The following TBC1D9 variants were observed in gnomAD, a reference collection of about 807,000 sequenced individuals.
TBC1D9 encodes TBC1 domain family member 9, also known as TBC1 domain family member 9A.
TBC1D9 carries 63 observed loss-of-function variants against 132.0 expected under a neutral mutation model. That is an observed-to-expected ratio of 0.48 (90% confidence interval 0.39 to 0.59). The LOEUF is 0.59. Ranked by LOEUF, TBC1D9 falls within the 20% of genes least tolerant of loss-of-function variation. The pLI is 0.00. For synonymous variants in TBC1D9, 610 were observed against 609.9 expected (o/e 1.00, Z 0.00); for missense variants, 1,261 against 1,592.7 (o/e 0.79, Z 3.54).
chr4:140,724,655 C>A (rs1738471263), intron 1 of TBC1D9, among the ~76,000 whole-genome samples: 1 of 145,782 alleles, frequency 6.9e-6, no homozygotes, highest in Non-Finnish European at 1.5e-5. Context: ...AAAAAAAAAA[C>A]TTGCAACTCA....
intron 13 of TBC1D9, among the ~76,000 whole-genome samples, chr4:140,639,939 A>G (rs1302665720): frequency 2.0e-5 from 3 of 152,170 alleles, no homozygotes; most frequent in Admixed American, 1.3e-4. Flanking sequence ...CGTACCCCCT[A>G]AATGTTTGTT....
Position 140,622,827 on chromosome 4 carries a change from T to C in TBC1D9, c.3169A>G (p.Thr1057Ala). 4.4e-6 allele frequency: 7 copies of C among 1,599,880 alleles called. No individual in the cohort carries two copies. Among genetic ancestry groups the C allele is most frequent in the Non-Finnish European group, 5.9e-6 (7 of 1,176,610 alleles). The change falls in exon 21 of 21, where the codon ACC (threonine) becomes GCC (alanine). Residue 1057 changes from threonine to alanine, a missense_variant. Around this residue, in one of 3 missense-constraint regions of TBC1D9, gnomAD observed 618 missense variants for 724.4 expected, o/e 0.85. Transcript: ENST00000442267. The stretch of plus-strand genomic sequence containing the variant: ...TCCCCAATCTCCAGCAGGAGGCTGG[T>C]CACTGCTGCCGTGGCGTGGTACAGC... ...QELYHATAAV[T>A]SLLLEIGEVG...
At chr4:140,658,546 AT>A (rs200071548) in intron 11 of TBC1D9, among the ~76,000 whole-genome samples, 8 of 152,206 alleles carry the variant, frequency 5.3e-5, no homozygotes, top group Admixed American at 1.3e-4. Context: ...ATTAAAAAAA[AT>A]AATAATAATC....
chr4:140,672,600 C>T (rs1476532911), intron 6 of TBC1D9, among the ~76,000 whole-genome samples: 1 of 152,142 alleles, frequency 6.6e-6, no homozygotes, highest in Non-Finnish European at 1.5e-5. Context: ...ATTCCTTCGT[C>T]TAGCTGGAGC....
intron 1 of TBC1D9, among the ~76,000 whole-genome samples, chr4:140,740,120 T>C (rs1426197068): frequency 6.6e-6 from 1 of 152,202 alleles, no homozygotes; most frequent in Admixed American, 6.5e-5. Flanking sequence ...GTAAAAGAGT[T>C]GATTTTAGGC....
intron 13 of TBC1D9, chr4:140,643,090 C>A: frequency 7.3e-7 from 1 of 1,371,828 alleles, no homozygotes; most frequent in Non-Finnish European, 1.0e-6. Context: ...TGGGCTTCAG[C>A]TCCCGTGGGA....
At chr4:140,666,422 G>A (rs1247741305) in intron 9 of TBC1D9, among the ~76,000 whole-genome samples, 6 of 152,188 alleles carry the variant, frequency 3.9e-5, no homozygotes, top group South Asian at 4.2e-4. Context: ...TGCAAGCTCC[G>A]CCTCCCGGGT....
chr4:140,673,183 AT>A (rs1467509294), intron 6 of TBC1D9, among the ~76,000 whole-genome samples: 12 of 148,366 alleles, frequency 8.1e-5, no homozygotes, highest in Non-Finnish European at 1.5e-5. Context: ...AAAAAAAAAA[AT>A]TCCTTCTCTT....
At chr4:140,641,108 A>AAAAAAAAAC (rs1736985292) in intron 13 of TBC1D9, among the ~76,000 whole-genome samples, 1 of 147,788 alleles carries the variant, frequency 6.8e-6, no homozygotes, top group South Asian at 2.1e-4. Context: ...AAAAAAACAA[A>AAAAAAAAAC]AAAAAACAGA....
intron 20 of TBC1D9, 105 bp downstream of exon 20, chr4:140,624,011 T>C (rs1369519299): frequency 2.4e-6 from 2 of 833,852 alleles, no homozygotes; most frequent in Non-Finnish European, 3.6e-6. Flanking sequence ...AGGCCCCAGT[T>C]ATTATTTTTG....
chr4:140,653,003 A>C lies in TBC1D9; in HGVS notation c.2337+4094T>G, dbSNP rs1022690656. ...TTGTGCCTTCCAGGAGGGGCATCTC[A>C]GTCTATGAATCAAACTTTAAGATTG... is the stretch of plus-strand genomic sequence containing the variant. On this transcript the variant is annotated intron_variant, in intron 13 of 20. Coordinates refer to ENST00000442267, the MANE Select transcript of TBC1D9 (RefSeq NM_015130.3). 2.6e-5 allele frequency among the ~76,000 whole-genome samples: 4 copies of C among 152,126 alleles called. No individual in the cohort carries two copies. The South Asian group carries it at 8.3e-4, about 32-fold the overall frequency.
At chr4:140,684,575 CT>C (rs1210403466) in intron 3 of TBC1D9, among the ~76,000 whole-genome samples, 24 of 151,996 alleles carry the variant, frequency 1.6e-4, no homozygotes, top group African/African-American at 5.8e-4. Flanking sequence ...CATAATTGGT[CT>C]TTGTTTGTTT....
chr4:140,719,159 T>TAAATAAAA (rs1466535586), intron 1 of TBC1D9, among the ~76,000 whole-genome samples: 3 of 135,940 alleles, frequency 2.2e-5, no homozygotes, highest in East Asian at 2.1e-4. Context: ...AATAAATAAA[T>TAAATAAAA]AAAAGAAAGT....
chr4:140,686,204 G>A, intron 3 of TBC1D9, 140 bp downstream of exon 3: 1 of 575,844 alleles, frequency 1.7e-6, no homozygotes, highest in Non-Finnish European at 3.0e-6. Context: ...ACACATATGA[G>A]AAAGCAAATG....
At chr4:140,638,709 G>T (rs1212635627) in intron 15 of TBC1D9, among the ~76,000 whole-genome samples, 2 of 151,980 alleles carry the variant, frequency 1.3e-5, no homozygotes, top group African/African-American at 2.4e-5. Context: ...TTTTCCTTGG[G>T]CACTTAAACA....
At chr4:140,733,224 G>C (rs911124004) in intron 1 of TBC1D9, among the ~76,000 whole-genome samples, 1 of 152,128 alleles carries the variant, frequency 6.6e-6, no homozygotes, top group African/African-American at 2.4e-5. Context: ...ATTGTTTAAA[G>C]TTTTGAAAAT....
At chr4:140,644,546 G>A (rs1737069894) in intron 13 of TBC1D9, 3 of 311,604 alleles carry the variant, frequency 9.6e-6, no homozygotes, top group Non-Finnish European at 1.2e-5. Flanking sequence ...GGCCAGGCCA[G>A]CCTTGCCCCC....
chr4:140,750,305 A>T (rs938487943), intron 1 of TBC1D9, among the ~76,000 whole-genome samples: 5 of 152,048 alleles, frequency 3.3e-5, no homozygotes, highest in African/African-American at 1.2e-4. Context: ...CTGTCAAGAA[A>T]GGCAAAGACA....
At chr4:140,674,708 T>A (rs1407856076) in intron 6 of TBC1D9, among the ~76,000 whole-genome samples, 1 of 151,320 alleles carries the variant, frequency 6.6e-6, no homozygotes, top group East Asian at 1.9e-4. Context: ...TTTAATTTTT[T>A]ATTTTTTAGA....
Sources: allele counts gnomAD v4.1 joint callset (sites outside exome capture counted in the v4.1 genomes callset), GRCh38; gene constraint gnomAD v4.1.1; regional missense constraint gnomAD v4.1.1; transcripts MANE v1.5; gene names NCBI Gene and HGNC (gene_info 2026-07-23, HGNC 2026-07-21).